FOXJ2: variants seen among roughly 807,000 people sequenced by gnomAD.
FOXJ2 encodes the protein forkhead box J2.
A neutral mutation model predicts 68.4 loss-of-function variants in FOXJ2; 18 were observed. That is an observed-to-expected ratio of 0.26 (90% CI 0.18 to 0.39). The LOEUF is 0.39. FOXJ2 is among the 10% of genes least tolerant of loss of function. The probability of loss-of-function intolerance (pLI) is 1.00; values close to 1 mark genes in which losing one functional copy is unlikely to be tolerated. For synonymous variants in FOXJ2, 274 were observed against 263.2 expected (o/e 1.04, Z -0.40); for missense variants, 670 against 726.5 (o/e 0.92, Z 0.89).
intron 9 of FOXJ2, 105 bp from the exon 10 acceptor site, chr12:8,050,417 G>T: frequency 6.8e-7 from 1 of 1,477,182 alleles, no homozygotes; most frequent in South Asian, 1.4e-5. Flanking sequence ...GGGCAGGGAA[G>T]AGAGAAGGAG....
intron 6 of FOXJ2, among the ~76,000 whole-genome samples, chr12:8,045,169 G>A (rs1304954340): frequency 5.3e-5 from 8 of 151,324 alleles, no homozygotes; most frequent in Non-Finnish European, 1.0e-4. Context: ...TCAACTTCTC[G>A]AGTATCTGGG....
chr12:8,039,794 C>T (rs200461151), intron 1 of FOXJ2, 25 bp from the exon 2 acceptor site: 261 of 1,561,384 alleles, frequency 1.7e-4, no homozygotes, highest in Admixed American at 5.7e-4. Flanking sequence ...CCAGTATTTT[C>T]GTCTCCTCTT....
rs1946952461 is a variant in FOXJ2, at chr12:8,040,557, G to A, written c.333+392G>A. ...CTGCCTCAGCTTCCTGAGTAGTTGG[G>A]ATTACAGGTGCCCGCCACCGTGCCC... On this transcript the variant is annotated intron_variant, in intron 2 of 10. Coordinates refer to ENST00000162391, the MANE Select transcript of FOXJ2 (RefSeq NM_018416.3). This position sits in a 1 kb window ranked among gnomAD's most constrained non-coding sequence, Gnocchi z 4.0. Among the ~76,000 whole-genome samples, 1 of 151,942 alleles carries A rather than the reference G, an allele frequency of 6.6e-6. No homozygotes were observed. Among genetic ancestry groups the A allele is most frequent in the Non-Finnish European group, 1.5e-5 (1 of 67,986 alleles).
chr12:8,049,506 C>T lies in FOXJ2; in HGVS notation c.1472C>T (p.Ala491Val), dbSNP rs962974476. ...CAAGGGGGTACCCACCGCCCACCAG[C>T]CCCTGCCCGTATTGCTGACTCCTGT... ...PPQGGTHRPP[A>V]PARIADSCAL... is the part of the protein sequence containing the mutation. Residue 491 changes from alanine to valine, a missense_variant, in exon 9 of 11, where the codon GCC becomes GTC. Transcript: ENST00000162391. 1.2e-6 allele frequency: 2 copies of T among 1,613,990 alleles called. No homozygotes were observed. Among genetic ancestry groups the T allele is most frequent in the African/African-American group, 1.3e-5 (1 of 75,074 alleles).
At chr12:8,051,426 G>A (rs1947125219) in intron 10 of FOXJ2, among the ~76,000 whole-genome samples, 2 of 151,994 alleles carry the variant, frequency 1.3e-5, no homozygotes, top group African/African-American at 4.8e-5. Context: ...CACTGGCCCC[G>A]GCTAGATGTA....
chr12:8,045,218 ATTTT>A (rs3074123), intron 6 of FOXJ2, among the ~76,000 whole-genome samples: 7 of 123,256 alleles, frequency 5.7e-5, no homozygotes, highest in Non-Finnish European at 3.2e-5. Flanking sequence ...TAATTTTTGT[ATTTT>A]TTTTTTTTTT....
chr12:8,043,740 C>G lies in FOXJ2; in HGVS notation c.448C>G (p.Arg150Gly). The stretch of plus-strand genomic sequence containing the variant: ...AATTGACACCTGCCCTGACATTTCC[C>G]GAAAGAGAAGACACCCTCCAGATGA... The part of the protein sequence containing the change: ...WTIDTCPDIS[R>G]KRRHPPDDDL... Residue 150 changes from arginine to glycine, a missense_variant, in exon 4 of 11, where the codon CGA becomes GGA. Arg to Gly is a moderately radical substitution (Grantham distance 125). This residue lies in a region of FOXJ2 where 555 missense variants were observed against 562.2 expected (regional missense o/e 0.99). Coordinates refer to ENST00000162391, the MANE Select transcript of FOXJ2 (RefSeq NM_018416.3). 6.2e-7 allele frequency: 1 copy of G among 1,614,136 alleles called. No homozygotes were observed. Among genetic ancestry groups the G allele is most frequent in the Non-Finnish European group, 8.5e-7 (1 of 1,180,018 alleles).
chr12:8,048,379 TTAA>T, intron 7 of FOXJ2, 90 bp downstream of exon 7: 2 of 1,493,592 alleles, frequency 1.3e-6, no homozygotes, highest in Non-Finnish European at 1.8e-6. Context: ...AGTTAGGAAG[TTAA>T]TGATGGGTCT....
At chr12:8,052,256 T>A (rs1434764269) in intron 10 of FOXJ2, among the ~76,000 whole-genome samples, 7 of 151,734 alleles carry the variant, frequency 4.6e-5, no homozygotes, top group Non-Finnish European at 1.0e-4. Flanking sequence ...GGAGTCTCGC[T>A]CTATCGCCCA....
intron 9 of FOXJ2, 134 bp from the exon 10 acceptor site, chr12:8,050,388 C>T: frequency 3.5e-6 from 5 of 1,417,348 alleles, no homozygotes; most frequent in Non-Finnish European, 4.6e-6. Flanking sequence ...GCCTTCATGC[C>T]TGCAGGAGCT....
At chr12:8,047,593 T>G (rs1374323051) in intron 6 of FOXJ2, among the ~76,000 whole-genome samples, 1 of 152,106 alleles carries the variant, frequency 6.6e-6, no homozygotes, top group Non-Finnish European at 1.5e-5. Flanking sequence ...GAAACTGTGA[T>G]TTCAGGCCTT....
At position 8,038,976 on chromosome 12, in the gene FOXJ2, G is replaced by A. The variant is rs769143492; in HGVS notation, c.-14-843G>A. ...CAGCTGGGTGTCTCCCTGGCTCGGT[G>A]AAGCCCAGCAGGCTGAGAGGTGGGA... On this transcript the variant is annotated intron_variant, in intron 1 of 10. Coordinates refer to ENST00000162391, the MANE Select transcript of FOXJ2 (RefSeq NM_018416.3). This position sits in a 1 kb window ranked among gnomAD's most constrained non-coding sequence, Gnocchi z 5.3. 3.7e-4 allele frequency among the ~76,000 whole-genome samples: 57 copies of A among 152,194 alleles called. No homozygotes were observed. Among genetic ancestry groups the A allele is most frequent in the Non-Finnish European group, 6.9e-4 (47 of 68,032 alleles).
chr12:8,043,649 A>G, intron 3 of FOXJ2, 52 bp from the exon 4 acceptor site: 1 of 1,560,056 alleles, frequency 6.4e-7, no homozygotes, highest in Non-Finnish European at 8.8e-7. Context: ...GAACCCTGGG[A>G]GGTTCTGAAT....
At chr12:8,037,046 G>A (rs1026251806) in intron 1 of FOXJ2, among the ~76,000 whole-genome samples, 6 of 152,116 alleles carry the variant, frequency 3.9e-5, no homozygotes, top group South Asian at 4.1e-4. Flanking sequence ...CCGAGATCGC[G>A]CCACTGTACT....
In FOXJ2 at chr12:8,042,691, T is replaced by G; in HGVS notation, c.367T>G (p.Cys123Gly). 1 of 1,614,138 alleles carries G rather than the reference T, an allele frequency of 6.2e-7. No individual in the cohort carries two copies. The highest frequency in any genetic ancestry group is 8.5e-7 in the Non-Finnish European group (1 of 1,180,026). The change falls in exon 3 of 11, where the codon TGT becomes GGT. Residue 123 changes from cysteine to glycine, a missense_variant. Transcript: ENST00000162391. ...ACGGCACAACCTTTCTCTCAACAAGTGTTTCCGGAAGGTGCCCAGACCTCG... is the reference window on the plus strand; with the variant it reads ...ACGGCACAACCTTTCTCTCAACAAGGGTTTCCGGAAGGTGCCCAGACCTCG... ...SIRHNLSLNKCFRKVPRPRDD... is the reference protein window; with the variant it reads ...SIRHNLSLNKGFRKVPRPRDD...
At chr12:8,034,470 C>A (rs1380126946) in intron 1 of FOXJ2, among the ~76,000 whole-genome samples, 1 of 152,182 alleles carries the variant, frequency 6.6e-6, no homozygotes, top group Non-Finnish European at 1.5e-5. Context: ...AAATGGGAAT[C>A]CCACATGTTC....
chr12:8,041,594 G>C (rs972465707), intron 2 of FOXJ2, among the ~76,000 whole-genome samples: 2 of 151,278 alleles, frequency 1.3e-5, no homozygotes, highest in Admixed American at 6.6e-5. Context: ...GCTTACTGCA[G>C]CTTGAACCTG....
chr12:8,051,355 C>T (rs1344095377), intron 10 of FOXJ2, among the ~76,000 whole-genome samples: 6 of 152,068 alleles, frequency 3.9e-5, no homozygotes, highest in Admixed American at 1.3e-4. Context: ...GTCTTGAACT[C>T]CTGACCACAA....
At position 8,052,798 on chromosome 12, in the gene FOXJ2, C is replaced by T. The variant is rs1256186552; in HGVS notation, c.1673C>T (p.Pro558Leu). Residue 558 changes from proline (P) to leucine (L), a missense_variant, in exon 11 of 11, where the codon CCT becomes CTT. By Grantham distance (98) the Pro-to-Leu change is moderately conservative. This residue lies in a region of FOXJ2 where 555 missense variants were observed against 562.2 expected (regional missense o/e 0.99). Coordinates refer to ENST00000162391, the MANE Select transcript of FOXJ2 (RefSeq NM_018416.3). The stretch of plus-strand genomic sequence containing the variant: ...GTCCCTCGGCCATCAGTGCCACCTC[C>T]TGGTGCCAATGAGGAGATCCCTGAT... ...HMVPRPSVPPPGANEEIPDDF... is the reference protein window; with the variant it reads ...HMVPRPSVPPLGANEEIPDDF... 6.2e-7 allele frequency: 1 copy of T among 1,611,048 alleles called. No individual in the cohort carries two copies. The highest frequency in any genetic ancestry group is 8.5e-7 in the Non-Finnish European group (1 of 1,178,402).
Sources: allele counts gnomAD v4.1 joint callset (sites outside exome capture counted in the v4.1 genomes callset), GRCh38; gene constraint gnomAD v4.1.1; regional missense constraint gnomAD v4.1.1; non-coding constraint Gnocchi (gnomAD v3.1); transcripts MANE v1.5; gene names NCBI Gene and HGNC (gene_info 2026-07-23, HGNC 2026-07-21).